Variants in GALNTL6 observed in about 807,000 individuals in gnomAD.
The protein encoded by GALNTL6 is polypeptide N-acetylgalactosaminyltransferase-like 6.
In GALNTL6, 46 loss-of-function variants were observed where a neutral mutation model predicts 73.7. That is an observed-to-expected ratio of 0.62 (90% CI 0.49 to 0.80). The LOEUF is 0.80. Among genes scored for constraint, GALNTL6 ranks in the 30% least tolerant of loss-of-function variants. The pLI, the probability that GALNTL6 is intolerant of heterozygous loss-of-function variation, is 0.00. For synonymous variants in GALNTL6, 259 were observed against 263.7 expected (o/e 0.98, Z 0.17); for missense variants, 604 against 755.0 (o/e 0.80, Z 2.34).
At chr4:172,891,204 T>C (rs753677252) in intron 8 of GALNTL6, among the ~76,000 whole-genome samples, 2 of 151,998 alleles carry the variant, frequency 1.3e-5, no homozygotes, top group Non-Finnish European at 2.9e-5. Flanking sequence ...GATTCTGTCA[T>C]GGTGTCAATG....
intron 5 of GALNTL6, among the ~76,000 whole-genome samples, chr4:172,387,755 A>G (rs2111296344): frequency 6.6e-6 from 1 of 152,190 alleles, no homozygotes; most frequent in African/African-American, 2.4e-5. Flanking sequence ...CTGTCTCTTC[A>G]CCTTCTTCTG....
intron 2 of GALNTL6, among the ~76,000 whole-genome samples, chr4:172,157,358 CTG>C (rs1734318448): frequency 6.6e-6 from 1 of 152,154 alleles, no homozygotes; most frequent in African/African-American, 2.4e-5. Context: ...GCATTTCAAA[CTG>C]TGAGTCCTAC....
At chr4:172,804,322 G>A (rs1365466429) in intron 5 of GALNTL6, among the ~76,000 whole-genome samples, 4 of 152,084 alleles carry the variant, frequency 2.6e-5, no homozygotes, top group African/African-American at 4.8e-5. Flanking sequence ...TTACATTTCA[G>A]AACTCATAGC....
At chr4:172,092,352 A>G (rs1732229243) in intron 2 of GALNTL6, among the ~76,000 whole-genome samples, 1 of 152,162 alleles carries the variant, frequency 6.6e-6, no homozygotes, top group Non-Finnish European at 1.5e-5. Context: ...AAACATTCAT[A>G]TAAATATAGC....
rs9997139 is a variant in GALNTL6 at position 171,987,448 on chromosome 4, G to C, written c.138+172730G>C. Among the ~76,000 whole-genome samples, 1,152 of 152,216 alleles carry C rather than the reference G, an allele frequency of 7.6e-3. 19 individuals are homozygous for C. Among genetic ancestry groups the C allele is most frequent in the African/African-American group, 0.024 (1,008 of 41,510 alleles). On this transcript the variant is annotated intron_variant, in intron 2 of 12. Coordinates refer to ENST00000506823, the MANE Select transcript of GALNTL6 (RefSeq NM_001034845.3). ...AATGACTGCGGTGGCCTTCTCAGAC[G>C]CTGTAGGAAAGGCCTCTACCCAACC...
chr4:173,032,800 A>G (rs1399884380), intron 12 of GALNTL6, among the ~76,000 whole-genome samples: 1 of 152,028 alleles, frequency 6.6e-6, no homozygotes, highest in East Asian at 1.9e-4. Flanking sequence ...CAGAGCAGGC[A>G]TCTAACACAT....
At chr4:172,838,755 A>G (rs991683183) in intron 7 of GALNTL6, among the ~76,000 whole-genome samples, 2 of 152,330 alleles carry the variant, frequency 1.3e-5, no homozygotes, top group African/African-American at 4.8e-5. Flanking sequence ...TAACTCATAT[A>G]GGCACCAAAG....
chr4:172,565,559 G>C (rs1736523686), intron 5 of GALNTL6, among the ~76,000 whole-genome samples: 2 of 152,112 alleles, frequency 1.3e-5, no homozygotes, highest in South Asian at 4.1e-4. Flanking sequence ...TTGGCATTTA[G>C]GTTTCTTTTC....
chr4:172,579,517 AG>A (rs1737089072), intron 5 of GALNTL6, among the ~76,000 whole-genome samples: 1 of 152,180 alleles, frequency 6.6e-6, no homozygotes, highest in African/African-American at 2.4e-5. Context: ...GCTAGACTCT[AG>A]AAGACTAGAG....
At chr4:172,280,942 C>T (rs533949158) in intron 3 of GALNTL6, among the ~76,000 whole-genome samples, 417 of 151,066 alleles carry the variant, frequency 2.8e-3, no homozygotes, top group African/African-American at 9.1e-3. Flanking sequence ...GGGTGGATCA[C>T]GAGGTCAGGA....
intron 5 of GALNTL6, among the ~76,000 whole-genome samples, chr4:172,648,142 G>T (rs1740321094): frequency 6.6e-6 from 1 of 152,102 alleles, no homozygotes; most frequent in African/African-American, 2.4e-5. Context: ...TGTCAGATTG[G>T]CTTACTGGAT....
Position 173,026,122 on chromosome 4 carries a change from T to C in GALNTL6, c.1638+4497T>C, listed in dbSNP as rs911664328. On this transcript the variant is annotated intron_variant, in intron 12 of 12. Transcript: ENST00000506823. ...ATTATAGCATATGTCTTAATTTGGG[T>C]TTCCCCATATATACAACCTAAAGTA... Among the ~76,000 whole-genome samples, 3 of 152,350 alleles carry C rather than the reference T, an allele frequency of 2.0e-5. No individual in the cohort carries two copies. In the South Asian group the frequency reaches 6.2e-4, roughly 32 times the overall value.
chr4:172,626,373 T>A lies in GALNTL6; in HGVS notation c.554-182988T>A, dbSNP rs1201745882. 6.6e-5 allele frequency among the ~76,000 whole-genome samples: 10 copies of A among 152,090 alleles called. No individual in the cohort carries two copies. The East Asian group carries it at 1.9e-3, about 29-fold the overall frequency. On this transcript the variant is annotated intron_variant, in intron 5 of 12. Coordinates refer to ENST00000506823, the MANE Select transcript of GALNTL6 (RefSeq NM_001034845.3). Reference sequence around the variant, plus strand: ...GGTTCTCTATCCTGTCTCATTGGTCTGTGTGTCTGTTTTTAACCATGCTGT... The same window carrying A: ...GGTTCTCTATCCTGTCTCATTGGTCAGTGTGTCTGTTTTTAACCATGCTGT...
At chr4:172,941,274 G>GGT (rs1343634783) in intron 9 of GALNTL6, among the ~76,000 whole-genome samples, 1 of 152,168 alleles carries the variant, frequency 6.6e-6, no homozygotes, top group African/African-American at 2.4e-5. Flanking sequence ...TTTTATGTTA[G>GGT]CTTTTGTTTA....
intron 2 of GALNTL6, among the ~76,000 whole-genome samples, chr4:172,219,921 A>G (rs1040571434): frequency 6.6e-6 from 1 of 151,972 alleles, no homozygotes; most frequent in Admixed American, 6.6e-5. Flanking sequence ...CAATATCTGT[A>G]TTTAAGTAAA....
intron 2 of GALNTL6, among the ~76,000 whole-genome samples, chr4:172,114,997 GT>G (rs1189913397): frequency 2.0e-5 from 3 of 152,048 alleles, no homozygotes; most frequent in Non-Finnish European, 4.4e-5. Flanking sequence ...CCATCAACCT[GT>G]TTGTGAACTT....
At chr4:172,875,714 T>G (rs1454690215) in intron 7 of GALNTL6, among the ~76,000 whole-genome samples, 1 of 141,272 alleles carries the variant, frequency 7.1e-6, no homozygotes, top group East Asian at 2.1e-4. Flanking sequence ...TGTTAGATCC[T>G]CCCTTTGCTC....
chr4:172,197,160 C>A (rs928511842), intron 2 of GALNTL6, among the ~76,000 whole-genome samples: 2 of 151,948 alleles, frequency 1.3e-5, no homozygotes, highest in African/African-American at 4.8e-5. Context: ...CAAGCAGAGA[C>A]CCAAATCATG....
intron 2 of GALNTL6, among the ~76,000 whole-genome samples, chr4:172,182,490 T>G (rs1485398802): frequency 6.7e-6 from 1 of 149,136 alleles, no homozygotes; most frequent in Non-Finnish European, 1.5e-5. Flanking sequence ...TGAGATGGGA[T>G]ATATTTAAAT....
Sources: allele counts gnomAD v4.1 joint callset (sites outside exome capture counted in the v4.1 genomes callset), GRCh38; gene constraint gnomAD v4.1.1; transcripts MANE v1.5; gene names NCBI Gene and HGNC (gene_info 2026-07-23, HGNC 2026-07-21).